AMOTL1: variants seen among roughly 807,000 people sequenced by gnomAD.
AMOTL1 encodes angiomotin-like protein 1.
AMOTL1 carries 45 observed loss-of-function variants against 102.9 expected under a neutral mutation model. That is an observed-to-expected ratio of 0.44 (90% CI 0.34 to 0.56). The LOEUF (loss-of-function observed/expected upper bound fraction) is 0.56. Among genes scored for constraint, AMOTL1 ranks in the 20% least tolerant of loss-of-function variants. AMOTL1 has a pLI of 0.01. For missense variants in AMOTL1, 1,114 were observed against 1,225.6 expected, an observed-to-expected ratio of 0.91 and a Z score of 1.36; for synonymous variants, 481 against 484.7, an observed-to-expected ratio of 0.99 and a Z score of 0.10.
At chr11:94,706,815 T>C (rs1323920765) in intron 1 of AMOTL1, among the ~76,000 whole-genome samples, 1 of 152,124 alleles carries the variant, frequency 6.6e-6, no homozygotes, top group East Asian at 1.9e-4. Context: ...GCTCTCACAG[T>C]GGGTGTAGGA....
intron 10 of AMOTL1, 109 bp from the exon 11 acceptor site, chr11:94,865,833 C>T (rs1421224937): frequency 4.4e-6 from 4 of 918,778 alleles, no homozygotes; most frequent in African/African-American, 1.7e-5. Context: ...TGTGCTTCAT[C>T]CTGTATCCCT....
At chr11:94,758,937 C>T (rs1427173145) in intron 3 of AMOTL1, among the ~76,000 whole-genome samples, 3 of 152,106 alleles carry the variant, frequency 2.0e-5, no homozygotes, top group Non-Finnish European at 4.4e-5. Flanking sequence ...AGTCATGTTA[C>T]ACTGACCTGA....
chr11:94,830,942 T>C (rs1565371894), intron 5 of AMOTL1, among the ~76,000 whole-genome samples: 1 of 152,244 alleles, frequency 6.6e-6, no homozygotes, highest in African/African-American at 2.4e-5. Context: ...TATTGAATAA[T>C]TAAAGATTTA....
intron 1 of AMOTL1, among the ~76,000 whole-genome samples, chr11:94,785,993 G>A (rs532337263): frequency 2.0e-5 from 3 of 152,260 alleles, no homozygotes; most frequent in Non-Finnish European, 2.9e-5. Context: ...GAATACTACT[G>A]TGGTCCTGAG....
Position 94,853,928 on chromosome 11 carries a change from C to T in AMOTL1, c.1795-5C>T. 1.9e-6 allele frequency: 3 copies of T among 1,607,210 alleles called. No individual in the cohort carries two copies. Among genetic ancestry groups the T allele is most frequent in the Admixed American group, 1.7e-5 (1 of 59,156 alleles). ...CTGTGCTCTTTTTTACTCTTCTCCA[C>T]TCAGTTACGAGAGAAGCAAGCATAT... On this transcript the variant is annotated splice_region_variant and splice_polypyrimidine_tract_variant and intron_variant, in intron 7 of 12. Coordinates refer to ENST00000433060, the MANE Select transcript of AMOTL1 (RefSeq NM_130847.3).
chr11:94,808,442 T>A (rs1951604720), intron 3 of AMOTL1, among the ~76,000 whole-genome samples: 1 of 152,252 alleles, frequency 6.6e-6, no homozygotes, highest in South Asian at 2.1e-4. Flanking sequence ...CCCATTGATT[T>A]TTTTTCTTTT....
chr11:94,729,023 C>T (rs1053026567), exon 2 of AMOTL1: 6 of 1,289,078 alleles, frequency 4.7e-6, no homozygotes, highest in East Asian at 5.6e-5. Flanking sequence ...TTATCCCATG[C>T]TGGAATTCAT....
At chr11:94,749,525 G>A (rs538550992) in intron 3 of AMOTL1, among the ~76,000 whole-genome samples, 6 of 152,188 alleles carry the variant, frequency 3.9e-5, no homozygotes, top group Admixed American at 2.0e-4. Flanking sequence ...CAGTCATGTC[G>A]ACACCTAAAA....
At chr11:94,740,918 C>T in intron 2 of AMOTL1, 2 of 1,288,952 alleles carry the variant, frequency 1.6e-6, no homozygotes, top group Non-Finnish European at 1.0e-6. Context: ...GAGTTGTTTT[C>T]TGCTTTTCTT....
upstream of AMOTL1, among the ~76,000 whole-genome samples, chr11:94,766,414 C>T (rs1316826602): frequency 6.6e-6 from 1 of 152,222 alleles, no homozygotes; most frequent in East Asian, 1.9e-4. Context: ...AGGCAACTTG[C>T]TCAGCGTCAC....
chr11:94,850,643 T>C (rs1461644598), intron 7 of AMOTL1, among the ~76,000 whole-genome samples: 1 of 152,196 alleles, frequency 6.6e-6, no homozygotes, highest in Non-Finnish European at 1.5e-5. Flanking sequence ...GGAATTAAAA[T>C]GACCATTTCC....
intron 1 of AMOTL1, among the ~76,000 whole-genome samples, chr11:94,720,133 G>T (rs1950153975): frequency 6.6e-6 from 1 of 152,100 alleles, no homozygotes; most frequent in Non-Finnish European, 1.5e-5. Flanking sequence ...CACTTCTGTG[G>T]CAGGCTAAGT....
chr11:94,830,019 G>T, intron 4 of AMOTL1, 31 bp from the exon 5 acceptor site: 1 of 1,562,408 alleles, frequency 6.4e-7, no homozygotes, highest in Middle Eastern at 1.7e-4. Context: ...AATGTCAAAG[G>T]TACCACTTTA....
intron 1 of AMOTL1, among the ~76,000 whole-genome samples, chr11:94,786,890 G>A (rs888716550): frequency 6.6e-6 from 1 of 152,206 alleles, no homozygotes; most frequent in African/African-American, 2.4e-5. Context: ...TCCACATGAT[G>A]TGTCAGAAAC....
At chr11:94,834,036 T>G (rs1952124580) in intron 6 of AMOTL1, among the ~76,000 whole-genome samples, 1 of 152,168 alleles carries the variant, frequency 6.6e-6, no homozygotes, top group African/African-American at 2.4e-5. Context: ...ACTCAGAAGG[T>G]TGGATGGTGC....
At chr11:94,848,045 G>A (rs1240170094) in intron 6 of AMOTL1, among the ~76,000 whole-genome samples, 1 of 152,178 alleles carries the variant, frequency 6.6e-6, no homozygotes, top group Non-Finnish European at 1.5e-5. Context: ...TAATACCTGA[G>A]TGCCCTCCAG....
At chr11:94,779,535 C>CA (rs1412560072) in intron 1 of AMOTL1, among the ~76,000 whole-genome samples, 3 of 152,062 alleles carry the variant, frequency 2.0e-5, no homozygotes, top group Admixed American at 6.5e-5. Flanking sequence ...GTATAAAATG[C>CA]ATTTATATGC....
upstream of AMOTL1, among the ~76,000 whole-genome samples, chr11:94,768,117 G>A (rs1950878082): frequency 6.6e-6 from 1 of 152,226 alleles, no homozygotes; most frequent in Non-Finnish European, 1.5e-5. Context: ...CCCGGCAGGG[G>A]ACAAAGGAAG....
chr11:94,753,076 G>A (rs1417942387), intron 3 of AMOTL1, among the ~76,000 whole-genome samples: 1 of 152,176 alleles, frequency 6.6e-6, no homozygotes, highest in Non-Finnish European at 1.5e-5. Context: ...ACTCCAGACT[G>A]AGTATTTGCT....
Sources: allele counts gnomAD v4.1 joint callset (sites outside exome capture counted in the v4.1 genomes callset), GRCh38; gene constraint gnomAD v4.1.1; transcripts MANE v1.5; gene names NCBI Gene and HGNC (gene_info 2026-07-23, HGNC 2026-07-21).